The following TANC2 variants were observed in gnomAD, a reference collection of about 807,000 sequenced individuals.
The protein encoded by TANC2 is tetratricopeptide repeat, ankyrin repeat and coiled-coil containing 2.
TANC2 carries 26 observed loss-of-function variants against 210.5 expected under a neutral mutation model. That is an observed-to-expected ratio of 0.12 (90% CI 0.09 to 0.17). The LOEUF (loss-of-function observed/expected upper bound fraction) is 0.17, where lower values mean the gene tolerates loss of function less well. TANC2 is among the 10% of genes least tolerant of loss of function. TANC2 has a pLI of 1.00. For synonymous variants in TANC2, 931 were observed against 967.1 expected (o/e 0.96, Z 0.69); for missense variants, 2,129 against 2,608.9 (o/e 0.82, Z 4.01).
intron 7 of TANC2, among the ~76,000 whole-genome samples, chr17:63,221,049 A>C (rs1054815050): frequency 2.0e-5 from 3 of 152,012 alleles, no homozygotes; most frequent in Non-Finnish European, 2.9e-5. Context: ...TTAGGCAAAA[A>C]TTTTTAAAAT....
chr17:62,990,248 A>C (rs1416194429), intron 1 of TANC2, among the ~76,000 whole-genome samples: 1 of 152,124 alleles, frequency 6.6e-6, no homozygotes, highest in Non-Finnish European at 1.5e-5. Flanking sequence ...CAGCAAAGGC[A>C]ATGGATGAAC....
At chr17:63,168,993 C>T (rs2040308109) in intron 5 of TANC2, among the ~76,000 whole-genome samples, 1 of 152,170 alleles carries the variant, frequency 6.6e-6, no homozygotes, top group African/African-American at 2.4e-5. Context: ...CCGGAGGATT[C>T]ATTATACATG....
intron 2 of TANC2, among the ~76,000 whole-genome samples, chr17:63,068,994 CTG>C (rs975743134): frequency 7.2e-5 from 11 of 152,096 alleles, no homozygotes; most frequent in African/African-American, 1.9e-4. Flanking sequence ...AGAAGGGAAA[CTG>C]TATTGGAGAA....
intron 9 of TANC2, among the ~76,000 whole-genome samples, chr17:63,268,685 C>G (rs555989359): frequency 6.6e-6 from 1 of 152,240 alleles, no homozygotes; most frequent in Admixed American, 6.5e-5. Flanking sequence ...TGCCTATAAT[C>G]CTGGCCTAGC....
At chr17:63,329,752 C>T (rs1186754734) in intron 11 of TANC2, among the ~76,000 whole-genome samples, 1 of 152,274 alleles carries the variant, frequency 6.6e-6, no homozygotes, top group East Asian at 1.9e-4. Flanking sequence ...ACTGACCAGC[C>T]ATTCCCCCAT....
chr17:63,130,328 A>G (rs1262026139), intron 4 of TANC2, among the ~76,000 whole-genome samples: 4 of 152,084 alleles, frequency 2.6e-5, no homozygotes, highest in Non-Finnish European at 5.9e-5. Flanking sequence ...CCTGGCCAAC[A>G]TGGTGAAACC....
chr17:63,099,537 G>A (rs1007809684), intron 4 of TANC2, among the ~76,000 whole-genome samples, 180 bp downstream of exon 4: 1 of 151,706 alleles, frequency 6.6e-6, no homozygotes, highest in Non-Finnish European at 1.5e-5. Context: ...AATTAGAACA[G>A]TACTCAGTTT....
intron 6 of TANC2, among the ~76,000 whole-genome samples, chr17:63,197,170 C>T (rs1468060917): frequency 3.9e-5 from 6 of 152,144 alleles, no homozygotes; most frequent in Admixed American, 6.5e-5. Context: ...TCATAGCTTT[C>T]GTACTTTCAT....
At chr17:62,991,719 C>G (rs184778983) in intron 1 of TANC2, among the ~76,000 whole-genome samples, 1 of 150,894 alleles carries the variant, frequency 6.6e-6, no homozygotes, top group East Asian at 1.9e-4. Flanking sequence ...ATTTACATAA[C>G]ATATACATTG....
intron 5 of TANC2, among the ~76,000 whole-genome samples, chr17:63,186,184 CTT>C (rs1408191231): frequency 6.6e-6 from 1 of 152,098 alleles, no homozygotes; most frequent in Non-Finnish European, 1.5e-5. Context: ...TGCAGTGAAA[CTT>C]TTGTTCTGAA....
chr17:63,255,901 T>C (rs906942462), intron 8 of TANC2, among the ~76,000 whole-genome samples: 1 of 133,340 alleles, frequency 7.5e-6, no homozygotes, highest in African/African-American at 2.8e-5. Flanking sequence ...TATTTGACTT[T>C]TCTTTTTTTT....
At chr17:63,072,677 T>A (rs1255354888) in intron 2 of TANC2, among the ~76,000 whole-genome samples, 3 of 152,128 alleles carry the variant, frequency 2.0e-5, no homozygotes, top group African/African-American at 7.2e-5. Context: ...TACTGTGGAC[T>A]AAGAGATATG....
chr17:63,001,897 C>G (rs2033406569), intron 1 of TANC2, among the ~76,000 whole-genome samples: 1 of 151,730 alleles, frequency 6.6e-6, no homozygotes, highest in Non-Finnish European at 1.5e-5. Flanking sequence ...GGTATACAAA[C>G]AAAAATATGT....
chr17:63,358,379 A>ATG (rs375498280), intron 14 of TANC2, among the ~76,000 whole-genome samples: 37,911 of 139,330 alleles, frequency 0.27, 5,710 homozygotes, highest in East Asian at 0.68. Flanking sequence ...GAGAGAGAGT[A>ATG]TGTGTGTGTG....
intron 4 of TANC2, among the ~76,000 whole-genome samples, chr17:63,105,118 C>A (rs1325499075): frequency 6.6e-6 from 1 of 151,684 alleles, no homozygotes; most frequent in Non-Finnish European, 1.5e-5. Context: ...CTTCAAGAAA[C>A]AATTACGCTA....
chr17:63,230,666 T>C (rs1044213989), intron 7 of TANC2, among the ~76,000 whole-genome samples: 5 of 152,238 alleles, frequency 3.3e-5, no homozygotes, highest in Non-Finnish European at 5.9e-5. Context: ...TTGCATTTCC[T>C]GAGGAGTGTT....
intron 3 of TANC2, among the ~76,000 whole-genome samples, chr17:63,093,179 C>T (rs1472391744): frequency 6.6e-6 from 1 of 151,352 alleles, no homozygotes; most frequent in Non-Finnish European, 1.5e-5. Flanking sequence ...AGATTTTCTC[C>T]TGTGTTTTCT....
Position 63,006,772 on chromosome 17 carries a change from C to T in TANC2, c.-23-2765C>T, listed in dbSNP as rs2033641302. 2.0e-5 allele frequency among the ~76,000 whole-genome samples: 3 copies of T among 152,096 alleles called. No homozygotes were observed. The South Asian group carries it at 6.2e-4, about 32-fold the overall frequency. On this transcript the variant is annotated intron_variant, in intron 1 of 27. Transcript: ENST00000689528. ...TAGTTATTTAATTGTGTAGTTCAAA[C>T]ATATCATAGTTTTTTTTTTAAATCT... is the stretch of plus-strand genomic sequence containing the variant.
chr17:63,253,805 TTTGTTG>T lies in TANC2; in HGVS notation c.1034-13928_1034-13923del, dbSNP rs573229154. On this transcript the variant is annotated intron_variant, in intron 8 of 27. Coordinates refer to ENST00000689528, the Ensembl canonical transcript of TANC2. ...CCAACTAATTTTTGGTTTGAGGGTTTTTGTTGTTGTTGTTGTTGTTTTTGGTAGAGA... is the reference window on the plus strand; with the variant it reads ...CCAACTAATTTTTGGTTTGAGGGTTTTTGTTGTTGTTGTTTTTGGTAGAGA... Among the ~76,000 whole-genome samples, 894 of 150,760 alleles carry T rather than the reference TTTGTTG, an allele frequency of 5.9e-3. 8 individuals carry two copies. Among genetic ancestry groups the T allele is most frequent in the African/African-American group, 0.021 (860 of 41,286 alleles).
Sources: allele counts gnomAD v4.1 joint callset (sites outside exome capture counted in the v4.1 genomes callset), GRCh38; gene constraint gnomAD v4.1.1; transcripts MANE v1.5; gene names NCBI Gene and HGNC (gene_info 2026-07-23, HGNC 2026-07-21).